The following FAM222B variants were observed in gnomAD, a reference collection of about 807,000 sequenced individuals.
FAM222B encodes the protein protein FAM222B.
FAM222B carries 12 observed loss-of-function variants against 38.0 expected under a neutral mutation model. The ratio of observed to expected loss-of-function variants is 0.32; its 90% CI spans 0.20 to 0.51. FAM222B has a LOEUF of 0.51. Among genes scored for constraint, FAM222B ranks in the 20% least tolerant of loss-of-function variants. FAM222B has a pLI of 0.97. For synonymous variants in FAM222B, 329 were observed against 317.2 expected (o/e 1.04, Z -0.40); for missense variants, 716 against 754.2 (o/e 0.95, Z 0.59).
At chr17:28,821,671 C>A (rs531497630) in intron 1 of FAM222B, among the ~76,000 whole-genome samples, 1 of 151,984 alleles carries the variant, frequency 6.6e-6, no homozygotes, top group Non-Finnish European at 1.5e-5. Context: ...ATAAAATAAT[C>A]GTACAGGGCC....
chr17:28,853,783 C>A (rs2039201388), intron 1 of FAM222B, among the ~76,000 whole-genome samples: 1 of 151,866 alleles, frequency 6.6e-6, no homozygotes, highest in African/African-American at 2.4e-5. Flanking sequence ...CCTAGCTACT[C>A]AAGAGGGCTG....
intron 1 of FAM222B, among the ~76,000 whole-genome samples, chr17:28,851,545 C>T (rs940650123): frequency 2.6e-5 from 4 of 151,106 alleles, no homozygotes; most frequent in African/African-American, 9.7e-5. Flanking sequence ...AACAAAAGAC[C>T]AACCTGGGCA....
At chr17:28,793,742 ATTTTTTTTTT>A (rs1159375528) in intron 1 of FAM222B, among the ~76,000 whole-genome samples, 1 of 132,794 alleles carries the variant, frequency 7.5e-6, no homozygotes, top group African/African-American at 2.8e-5. Context: ...TACTCAACCA[ATTTTTTTTTT>A]TTTTTTTTTT....
At chr17:28,789,654 A>C (rs138032495) in intron 1 of FAM222B, among the ~76,000 whole-genome samples, 14 of 152,296 alleles carry the variant, frequency 9.2e-5, no homozygotes, top group Admixed American at 8.5e-4. Context: ...ACTCCCACCC[A>C]ATTGCAATGA....
chr17:28,800,217 C>T (rs1000159003), intron 1 of FAM222B, among the ~76,000 whole-genome samples: 1 of 151,860 alleles, frequency 6.6e-6, no homozygotes, highest in Admixed American at 6.6e-5. Context: ...TTTTCACAGA[C>T]GGGGTTTCTC....
chr17:28,780,804 C>T (rs969147646), intron 1 of FAM222B, among the ~76,000 whole-genome samples: 2 of 151,868 alleles, frequency 1.3e-5, no homozygotes, highest in Admixed American at 1.3e-4. Context: ...ATCGCCTGAA[C>T]TTGGGAGGCG....
chr17:28,785,703 T>C (rs1392527908), intron 1 of FAM222B, among the ~76,000 whole-genome samples: 1 of 144,394 alleles, frequency 6.9e-6, no homozygotes, highest in Non-Finnish European at 1.5e-5. Flanking sequence ...GCCCGGCTAT[T>C]TTTTTTTTTT....
intron 1 of FAM222B, among the ~76,000 whole-genome samples, chr17:28,789,091 A>C (rs1281327399): frequency 6.0e-5 from 9 of 151,192 alleles, no homozygotes; most frequent in African/African-American, 1.9e-4. Context: ...AAAAAAAAAA[A>C]AAAAAAAAAA....
chr17:28,796,732 A>G (rs893052936), intron 1 of FAM222B, among the ~76,000 whole-genome samples: 2 of 152,026 alleles, frequency 1.3e-5, no homozygotes, highest in Non-Finnish European at 2.9e-5. Context: ...AAAAAAAAAA[A>G]GAAAGAAAGA....
intron 1 of FAM222B, among the ~76,000 whole-genome samples, chr17:28,773,218 G>A (rs1253952947): frequency 6.6e-6 from 1 of 151,796 alleles, no homozygotes; most frequent in Admixed American, 6.6e-5. Context: ...GCTCATGCCT[G>A]TAATCCCCAG....
chr17:28,830,331 C>A (rs938467919), intron 1 of FAM222B, among the ~76,000 whole-genome samples: 4 of 151,468 alleles, frequency 2.6e-5, no homozygotes, highest in Admixed American at 2.6e-4. Flanking sequence ...CTGGCTAATT[C>A]TTTGTTTTTT....
At chr17:28,835,192 C>T (rs994319758) in intron 1 of FAM222B, among the ~76,000 whole-genome samples, 3 of 151,990 alleles carry the variant, frequency 2.0e-5, no homozygotes, top group African/African-American at 7.3e-5. Flanking sequence ...TTACAGGCAC[C>T]TGCCACCACG....
At chr17:28,821,102 C>T (rs568848642) in intron 1 of FAM222B, among the ~76,000 whole-genome samples, 3 of 151,916 alleles carry the variant, frequency 2.0e-5, no homozygotes, top group Non-Finnish European at 4.4e-5. Flanking sequence ...ACTACAGGCA[C>T]GCGCCACCAC....
At chr17:28,840,119 T>C (rs1036159211) in intron 1 of FAM222B, among the ~76,000 whole-genome samples, 1 of 152,162 alleles carries the variant, frequency 6.6e-6, no homozygotes, top group Non-Finnish European at 1.5e-5. Flanking sequence ...CTTACGCCTG[T>C]GATCCCAGCA....
Position 28,759,327 on chromosome 17 carries a change from G to A in FAM222B, c.632C>T (p.Pro211Leu), listed in dbSNP as rs768129084. The A allele has an allele frequency of 1.9e-6, 3 of 1,611,080 alleles. No homozygotes were observed. Among genetic ancestry groups the A allele is most frequent in the Non-Finnish European group, 1.7e-6 (2 of 1,178,862 alleles). ...GAGACCCTGGTGAGCCAGGGCCTGAGGGTGGACCAAGCCCTGGGTTTGGGC... is the reference window on the plus strand; with the variant it reads ...GAGACCCTGGTGAGCCAGGGCCTGAAGGTGGACCAAGCCCTGGGTTTGGGC... ...PMAQTQGLVHPQALAHQGLQH... is the reference protein window; with the variant it reads ...PMAQTQGLVHLQALAHQGLQH... Residue 211 changes from proline to leucine, a missense_variant, in exon 3 of 3, where the codon CCT becomes CTT. By Grantham distance (98) the Pro-to-Leu change is moderately conservative (BLOSUM62 -3). Transcript: ENST00000581407. The surrounding 1 kb of genome is among the most constrained non-coding windows in gnomAD (Gnocchi z 4.8).
chr17:28,854,947 T>G (rs1468309439), intron 1 of FAM222B: 1 of 1,455,522 alleles, frequency 6.9e-7, no homozygotes, highest in Non-Finnish European at 9.2e-7. Context: ...TGGGCAGACC[T>G]ACCTCTCTCC....
At chr17:28,786,025 G>A (rs1043654209) in intron 1 of FAM222B, among the ~76,000 whole-genome samples, 1 of 151,424 alleles carries the variant, frequency 6.6e-6, no homozygotes, top group Admixed American at 6.6e-5. Flanking sequence ...GTAGAGACGG[G>A]GTTTCACCTT....
chr17:28,827,313 G>A (rs1004389126), intron 1 of FAM222B, among the ~76,000 whole-genome samples: 14 of 151,988 alleles, frequency 9.2e-5, no homozygotes, highest in African/African-American at 3.4e-4. Context: ...AGCTATGACA[G>A]TGCCATGGCA....
At chr17:28,817,847 A>G (rs1246716991) in intron 1 of FAM222B, among the ~76,000 whole-genome samples, 1 of 152,172 alleles carries the variant, frequency 6.6e-6, no homozygotes, top group Non-Finnish European at 1.5e-5. Context: ...GAGAGGAAAA[A>G]CATGTGCCTA....
Sources: allele counts gnomAD v4.1 joint callset (sites outside exome capture counted in the v4.1 genomes callset), GRCh38; gene constraint gnomAD v4.1.1; non-coding constraint Gnocchi (gnomAD v3.1); transcripts MANE v1.5; gene names NCBI Gene and HGNC (gene_info 2026-07-23, HGNC 2026-07-21).